Variants in ASPH observed in about 807,000 individuals in gnomAD.
The protein encoded by ASPH is aspartate beta-hydroxylase.
In ASPH, 100 loss-of-function variants were observed where a neutral mutation model predicts 118.4. That is an observed-to-expected ratio of 0.84 (90% CI 0.72 to 1.00). The LOEUF (loss-of-function observed/expected upper bound fraction) is 1.00. ASPH is among the 50% of genes least tolerant of loss of function. The pLI is 0.00. For missense variants in ASPH, 920 were observed against 919.5 expected (o/e 1.00, Z -0.01); for synonymous variants, 315 against 325.6 (o/e 0.97, Z 0.35).
At chr8:61,525,356 G>GCA (rs575416248) in intron 22 of ASPH, among the ~76,000 whole-genome samples, 20,269 of 143,708 alleles carry the variant, frequency 0.14, 1,358 homozygotes, top group African/African-American at 0.16. Flanking sequence ...ACACACACAC[G>GCA]CACACACACA....
At chr8:61,637,038 T>C (rs991226460) in intron 12 of ASPH, among the ~76,000 whole-genome samples, 1 of 152,154 alleles carries the variant, frequency 6.6e-6, no homozygotes, top group African/African-American at 2.4e-5. Context: ...AACTGCACCA[T>C]TCCATTTTCC....
chr8:61,666,988 T>C (rs993718562), intron 3 of ASPH, among the ~76,000 whole-genome samples: 1 of 152,216 alleles, frequency 6.6e-6, no homozygotes, highest in Admixed American at 6.5e-5. Context: ...TTCATCATTA[T>C]TTATATAAAA....
intron 14 of ASPH, among the ~76,000 whole-genome samples, chr8:61,584,746 C>T (rs1292717242): frequency 1.3e-5 from 2 of 151,496 alleles, no homozygotes; most frequent in South Asian, 2.1e-4. Context: ...TGGCCTCAAG[C>T]GATCCTCCTG....
Position 61,539,427 on chromosome 8 carries a change from A to AAAGG in ASPH, c.1764+8640_1764+8643dup, listed in dbSNP as rs550503377. Among the ~76,000 whole-genome samples the AAAGG allele has an allele frequency of 9.2e-5, 14 of 152,166 alleles. No individual in the cohort carries two copies. The South Asian group carries it at 2.9e-3, about 32-fold the overall frequency. The stretch of plus-strand genomic sequence containing the variant: ...GTTAAAAAGCTTTAGAACAGTAAAG[A>AAAGG]AAGGAAGGAAGGAAAGCACACCTGG... On this transcript the variant is annotated intron_variant, in intron 21 of 24. Transcript: ENST00000379454.
chr8:61,513,399 G>A (rs1563649300), intron 24 of ASPH, among the ~76,000 whole-genome samples: 1 of 152,170 alleles, frequency 6.6e-6, no homozygotes, highest in Non-Finnish European at 1.5e-5. Context: ...CTTATGAAAA[G>A]CACTATTTTG....
intron 14 of ASPH, 95 bp from the exon 15 acceptor site, chr8:61,584,124 G>A: frequency 1.3e-6 from 1 of 754,932 alleles, no homozygotes; most frequent in East Asian, 2.9e-5. Flanking sequence ...CCTGATGCTG[G>A]TCTCCACCAA....
chr8:61,553,142 T>C, intron 19 of ASPH, 22 bp from the exon 20 acceptor site: 1 of 1,546,784 alleles, frequency 6.5e-7, no homozygotes, highest in Non-Finnish European at 8.9e-7. Context: ...ACAGTGTTAG[T>C]ATGGGTAAAA....
intron 13 of ASPH, among the ~76,000 whole-genome samples, chr8:61,632,240 A>G (rs1486561799): frequency 6.6e-6 from 1 of 152,196 alleles, no homozygotes; most frequent in Non-Finnish European, 1.5e-5. Flanking sequence ...TATTGGGTTC[A>G]GTTATAAAAT....
At chr8:61,700,228 T>C (rs1834910435) in intron 1 of ASPH, among the ~76,000 whole-genome samples, 1 of 152,154 alleles carries the variant, frequency 6.6e-6, no homozygotes, top group African/African-American at 2.4e-5. Flanking sequence ...TGAATAACCA[T>C]GCCAGTCAAT....
intron 1 of ASPH, among the ~76,000 whole-genome samples, chr8:61,685,589 G>T (rs564842327): frequency 2.0e-5 from 3 of 151,966 alleles, no homozygotes; most frequent in South Asian, 4.1e-4. Context: ...ATTTCCAGCG[G>T]CTCAAGTCAA....
At chr8:61,679,505 C>T (rs1826895876) in intron 3 of ASPH, among the ~76,000 whole-genome samples, 1 of 152,026 alleles carries the variant, frequency 6.6e-6, no homozygotes, top group African/African-American at 2.4e-5. Context: ...AGAAATACCA[C>T]ATTTTAATTT....
At chr8:61,626,295 G>C in intron 13 of ASPH, 1 of 1,557,860 alleles carries the variant, frequency 6.4e-7, no homozygotes, top group Non-Finnish European at 8.7e-7. Flanking sequence ...AAAAATAAGG[G>C]GAAATCTAAA....
chr8:61,501,706 T>TTCA lies in ASPH; in HGVS notation c.*1650_*1652dup, dbSNP rs1311796906. 1 of 152,202 alleles carries TTCA rather than the reference T, an allele frequency of 6.6e-6. No individual in the cohort carries two copies. The highest frequency in any genetic ancestry group is 2.4e-5 in the African/African-American group (1 of 41,444). The allele number at this position is 152,202 out of a possible 1,614,324, so 9.4% of individuals were successfully genotyped here. A position where few individuals can be genotyped will look rare whatever the true frequency, so the allele number is the denominator to read the frequency against. ...TTGGATATTTTTCCTCCCATGCCTCTTCATCTGATTTAGTGGGATGTTTTC... is the reference window on the plus strand; with the variant it reads ...TTGGATATTTTTCCTCCCATGCCTCTTCATCATCTGATTTAGTGGGATGTTTTC... On this transcript the variant is annotated 3_prime_UTR_variant, in exon 25 of 25. Transcript: ENST00000379454.
chr8:61,570,551 C>T (rs1833177474), intron 16 of ASPH, among the ~76,000 whole-genome samples: 1 of 152,066 alleles, frequency 6.6e-6, no homozygotes, highest in Non-Finnish European at 1.5e-5. Flanking sequence ...CTCTCTGGTG[C>T]CCCAGGGCCC....
intron 3 of ASPH, among the ~76,000 whole-genome samples, chr8:61,672,523 T>A (rs72659042): frequency 0.21 from 31,079 of 147,546 alleles, 3,238 homozygotes; most frequent in South Asian, 0.37. Context: ...CAGTTTTTTT[T>A]AAAAAAAAAA....
intron 11 of ASPH, 101 bp from the exon 12 acceptor site, chr8:61,638,104 C>T: frequency 7.8e-7 from 1 of 1,276,332 alleles, no homozygotes. Flanking sequence ...AACTCGTGTC[C>T]ACTCAGATTG....
At chr8:61,643,870 T>C (rs1806519423) in intron 8 of ASPH, 75 bp downstream of exon 8, 2 of 1,129,796 alleles carry the variant, frequency 1.8e-6, no homozygotes, top group Non-Finnish European at 2.7e-6. Context: ...TCACAATTGT[T>C]AACCCTGGAA....
chr8:61,639,041 C>T (rs899187648), intron 10 of ASPH, among the ~76,000 whole-genome samples: 1 of 152,058 alleles, frequency 6.6e-6, no homozygotes. Context: ...TTATTGAGCA[C>T]CTACTATCTT....
At chr8:61,656,314 T>A (rs1372365829) in intron 3 of ASPH, 1 of 152,162 alleles carries the variant, frequency 6.6e-6, no homozygotes, top group African/African-American at 2.4e-5. Context: ...AAACAAGAAG[T>A]GCGGAGGCGG....
Sources: allele counts gnomAD v4.1 joint callset (sites outside exome capture counted in the v4.1 genomes callset), GRCh38; gene constraint gnomAD v4.1.1; transcripts MANE v1.5; gene names NCBI Gene and HGNC (gene_info 2026-07-23, HGNC 2026-07-21).